Variants in GPHN observed in about 807,000 individuals in gnomAD.
GPHN encodes gephyrin.
In GPHN, 17 loss-of-function variants were observed where a neutral mutation model predicts 95.5. That is an observed-to-expected ratio of 0.18 (90% CI 0.12 to 0.27). The LOEUF is 0.27. GPHN is among the 10% of genes least tolerant of loss of function. The pLI is 1.00. For synonymous variants in GPHN, 320 were observed against 322.5 expected, an observed-to-expected ratio of 0.99 and a Z score of 0.08; for missense variants, 660 against 978.1, an observed-to-expected ratio of 0.67 and a Z score of 4.34.
At chr14:67,221,414 G>A in the GPHN span, among the ~76,000 whole-genome samples, 22 of 152,210 alleles carry the variant, frequency 1.4e-4, no homozygotes, top group African/African-American at 5.1e-4. Flanking sequence ...TTATTTACAC[G>A]GCTCAGCAGC....
At chr14:67,655,680 G>A in the GPHN span, among the ~76,000 whole-genome samples, 522 of 152,256 alleles carry the variant, frequency 3.4e-3, 4 homozygotes, top group African/African-American at 0.012. Context: ...TGATGTTTTC[G>A]TAAGAATAGC....
At chr14:66,886,434 C>G (rs1596279448) in intron 5 of GPHN, among the ~76,000 whole-genome samples, 1 of 151,990 alleles carries the variant, frequency 6.6e-6, no homozygotes, top group Admixed American at 6.6e-5. Flanking sequence ...TCTCTCTGCA[C>G]ATGTTCATCA....
intron 10 of GPHN, among the ~76,000 whole-genome samples, chr14:67,057,622 A>C (rs72715314): frequency 6.6e-6 from 1 of 152,146 alleles, no homozygotes; most frequent in Non-Finnish European, 1.5e-5. Context: ...ATAAAACTTA[A>C]CAGAACCATC....
Position 66,875,306 on chromosome 14 carries a change from G to A in GPHN, c.295-4633G>A, listed in dbSNP as rs144961942. On this transcript the variant is annotated intron_variant, in intron 4 of 22. Coordinates refer to ENST00000478722, the MANE Select transcript of GPHN (RefSeq NM_020806.5). ...TGGTACCAGCTACTGCAAAAACATA[G>A]CTAATTGTAAAGACCATCGACACTG... Among the ~76,000 whole-genome samples the A allele has an allele frequency of 2.5e-3, 382 of 152,072 alleles. 1 individual carries two copies. Among genetic ancestry groups the A allele is most frequent in the Non-Finnish European group, 4.3e-3 (295 of 67,940 alleles).
intron 4 of GPHN, among the ~76,000 whole-genome samples, chr14:66,839,324 A>G (rs899553055): frequency 5.3e-5 from 8 of 152,226 alleles, no homozygotes; most frequent in African/African-American, 1.4e-4. Context: ...TCTATGAAGA[A>G]TGAAGATAAC....
the GPHN span, chr14:67,241,751 C>G: frequency 6.6e-6 from 1 of 152,146 alleles, no homozygotes. Flanking sequence ...CGGAGCAACG[C>G]TGCCTGCGCG....
At chr14:66,742,111 C>G (rs1214684364) in intron 2 of GPHN, among the ~76,000 whole-genome samples, 2 of 152,192 alleles carry the variant, frequency 1.3e-5, no homozygotes, top group African/African-American at 4.8e-5. Flanking sequence ...TCTAACAACA[C>G]TTTTCCAAAA....
At chr14:67,215,707 A>T in the GPHN span, among the ~76,000 whole-genome samples, 5 of 152,208 alleles carry the variant, frequency 3.3e-5, no homozygotes, top group Non-Finnish European at 7.4e-5. Flanking sequence ...AGGTTTATTT[A>T]AAAAAACAAG....
intron 2 of GPHN, among the ~76,000 whole-genome samples, chr14:66,751,715 T>C (rs1453343025): frequency 6.6e-6 from 1 of 152,032 alleles, no homozygotes; most frequent in East Asian, 1.9e-4. Flanking sequence ...AGGATAGATT[T>C]AGCATAATTC....
chr14:66,741,054 T>A (rs879275448), intron 2 of GPHN, among the ~76,000 whole-genome samples: 4 of 152,166 alleles, frequency 2.6e-5, no homozygotes, highest in Non-Finnish European at 4.4e-5. Context: ...ACTTGCAGCT[T>A]CAAGCCCTTT....
the GPHN span, among the ~76,000 whole-genome samples, chr14:67,353,411 G>T: frequency 6.6e-6 from 1 of 152,152 alleles, no homozygotes; most frequent in Non-Finnish European, 1.5e-5. Flanking sequence ...AGCTACAGGT[G>T]TAAGTGGGAG....
chr14:67,190,667 C>T, the GPHN span, among the ~76,000 whole-genome samples: 1 of 152,134 alleles, frequency 6.6e-6, no homozygotes, highest in African/African-American at 2.4e-5. Context: ...GAACACAAGG[C>T]TTTCTCTTCA....
chr14:67,134,578 A>T (rs1330903100), intron 17 of GPHN, among the ~76,000 whole-genome samples: 1 of 152,220 alleles, frequency 6.6e-6, no homozygotes, highest in Non-Finnish European at 1.5e-5. Context: ...CCATTTACTG[A>T]GTGCCTACAA....
chr14:67,521,456 A>G, the GPHN span, among the ~76,000 whole-genome samples: 1 of 152,214 alleles, frequency 6.6e-6, no homozygotes, highest in African/African-American at 2.4e-5. Flanking sequence ...TTTGGTATCC[A>G]TATGTCCATG....
At chr14:67,380,779 TA>T in the GPHN span, 1 of 1,430,800 alleles carries the variant, frequency 7.0e-7, no homozygotes. Context: ...AATGATTTTT[TA>T]AATGATTTTT....
intron 10 of GPHN, among the ~76,000 whole-genome samples, chr14:67,030,957 A>G (rs1318640493): frequency 6.6e-6 from 1 of 152,176 alleles, no homozygotes; most frequent in Non-Finnish European, 1.5e-5. Flanking sequence ...AAAATAATGA[A>G]CATTAGCAAA....
chr14:66,841,599 A>G (rs944138657), intron 4 of GPHN, among the ~76,000 whole-genome samples: 32 of 152,212 alleles, frequency 2.1e-4, no homozygotes, highest in Admixed American at 2.6e-4. Flanking sequence ...TGCCTTGGGA[A>G]TTAGAAGAAT....
At chr14:66,872,477 AT>A (rs2063479986) in intron 4 of GPHN, among the ~76,000 whole-genome samples, 2 of 152,192 alleles carry the variant, frequency 1.3e-5, no homozygotes, top group Admixed American at 1.3e-4. Context: ...AGTAAAATAT[AT>A]ACCTATTTTG....
intron 13 of GPHN, among the ~76,000 whole-genome samples, chr14:67,102,986 A>G (rs943191432): frequency 6.6e-6 from 1 of 152,212 alleles, no homozygotes; most frequent in African/African-American, 2.4e-5. Flanking sequence ...GACAAAAAGA[A>G]CAGCTAGGCT....
Sources: gnomAD v4.1 joint callset for allele counts (sites outside exome capture counted in the v4.1 genomes callset) on GRCh38, gnomAD v4.1.1 for gene constraint, MANE v1.5 for transcripts, NCBI Gene and HGNC (gene_info 2026-07-23, HGNC 2026-07-21) for gene names.